The following NUFIP2 variants were observed in gnomAD, a reference collection of about 807,000 sequenced individuals.
The protein encoded by NUFIP2 is nuclear FMR1 interacting protein 2.
NUFIP2 carries 6 observed loss-of-function variants against 56.9 expected under a neutral mutation model. That is an observed-to-expected ratio of 0.11 (90% confidence interval 0.06 to 0.21). The LOEUF (loss-of-function observed/expected upper bound fraction) is 0.21, where lower values mean the gene tolerates loss of function less well. Ranked by LOEUF, NUFIP2 falls within the 10% of genes least tolerant of loss-of-function variation. NUFIP2 has a pLI of 1.00. For synonymous variants in NUFIP2, 321 were observed against 298.2 expected (o/e 1.08, Z -0.79); for missense variants, 828 against 826.8 (o/e 1.00, Z -0.02).
intron 2 of NUFIP2, among the ~76,000 whole-genome samples, chr17:29,269,926 T>TA (rs1391830275): frequency 5.3e-5 from 8 of 152,158 alleles, no homozygotes; most frequent in African/African-American, 1.9e-4. Flanking sequence ...TTCACCGTGT[T>TA]AGCCAGGGTG....
intron 2 of NUFIP2, among the ~76,000 whole-genome samples, chr17:29,282,339 G>T (rs2069145356): frequency 6.6e-6 from 1 of 151,572 alleles, no homozygotes; most frequent in African/African-American, 2.4e-5. Flanking sequence ...GGTGGCTCAT[G>T]AGGTCAGGAG....
rs774809854 is a variant in NUFIP2 at position 29,294,026 on chromosome 17, G to A, written c.34C>T (p.His12Tyr). The change falls in exon 1 of 4, where the codon CAC becomes TAC. Residue 12 changes from histidine (H) to tyrosine (Y), a missense_variant. This residue lies in a region of NUFIP2 where 415 missense variants were observed against 408.7 expected (regional missense o/e 1.02). Coordinates refer to ENST00000225388, the MANE Select transcript of NUFIP2 (RefSeq NM_020772.3). ...TGCGGATGGTGGTGGCTGTGATGGT[G>A]CTGAGGCTGTGGCTGGCCGGGCTTC... ...EEKPGQPQPQ[H>Y]HHSHHHPHHH... 1.2e-6 allele frequency: 2 copies of A among 1,610,030 alleles called. No homozygotes were observed. The highest frequency in any genetic ancestry group is 1.7e-6 in the Non-Finnish European group (2 of 1,177,266).
intron 2 of NUFIP2, among the ~76,000 whole-genome samples, chr17:29,280,967 A>G (rs1287590782): frequency 8.0e-6 from 1 of 124,224 alleles, no homozygotes; most frequent in Non-Finnish European, 1.7e-5. Flanking sequence ...CCTGGGTGAC[A>G]GAGTGAGGCT....
At chr17:29,276,973 T>C (rs1230807931) in intron 2 of NUFIP2, among the ~76,000 whole-genome samples, 1 of 152,216 alleles carries the variant, frequency 6.6e-6, no homozygotes, top group Admixed American at 6.5e-5. Context: ...TAAAGCTAAC[T>C]AGAAGCTTAT....
chr17:29,278,815 A>G (rs1161465710), intron 2 of NUFIP2, among the ~76,000 whole-genome samples: 1 of 152,148 alleles, frequency 6.6e-6, no homozygotes, highest in African/African-American at 2.4e-5. Flanking sequence ...CAAGGTGAAT[A>G]TATTATTACT....
At position 29,294,132 on chromosome 17, in the gene NUFIP2, G is replaced by A. The variant is rs1298641357; in HGVS notation, c.-73C>T. On this transcript the variant is annotated 5_prime_UTR_variant, in exon 1 of 4. Coordinates refer to ENST00000225388, the MANE Select transcript of NUFIP2 (RefSeq NM_020772.3). ...TCAGGATCTGAGACTGCTTCTCAGG[G>A]CTCACTCAGTATATCTGAGCGCGTC... 17 of 1,521,334 alleles carry A rather than the reference G, an allele frequency of 1.1e-5. No individual in the cohort carries two copies. The highest frequency in any genetic ancestry group is 2.8e-5 in the African/African-American group (2 of 72,680). The allele number at this position is 1,521,334 out of a possible 1,614,324, so 94.2% of individuals were successfully genotyped here.
In NUFIP2 at chr17:29,294,043, C is replaced by A. The variant is rs757099674; in HGVS notation, c.17G>T (p.Gly6Val). The change falls in exon 1 of 4, where the codon GGC (glycine) becomes GTC (valine). Residue 6 changes from glycine (G) to valine (V), a missense_variant. By Grantham distance (109) the Gly-to-Val change is moderately radical (BLOSUM62 -3). This residue lies in a region of NUFIP2 where 415 missense variants were observed against 408.7 expected (regional missense o/e 1.02). Coordinates refer to ENST00000225388, the MANE Select transcript of NUFIP2 (RefSeq NM_020772.3). Reference protein sequence around the residue: MEEKPGQPQPQHHHSH... With the variant: MEEKPVQPQPQHHHSH... ...GTGATGGTGCTGAGGCTGTGGCTGGCCGGGCTTCTCCTCCATTGAAAGCGG... is the reference window on the plus strand; with the variant it reads ...GTGATGGTGCTGAGGCTGTGGCTGGACGGGCTTCTCCTCCATTGAAAGCGG... The A allele has an allele frequency of 6.2e-7, 1 of 1,600,598 alleles. No homozygotes were observed. Among genetic ancestry groups the A allele is most frequent in the Non-Finnish European group, 8.5e-7 (1 of 1,171,430 alleles).
In NUFIP2 at chr17:29,256,775, C is replaced by A. The variant is rs1466287959; in HGVS notation, c.*7764G>T. 6.6e-6 allele frequency: 1 copy of A among 152,122 alleles called. No individual in the cohort carries two copies. The highest frequency in any genetic ancestry group is 1.5e-5 in the Non-Finnish European group (1 of 68,012). The allele number at this position is 152,122 out of a possible 1,614,324, so 9.4% of individuals were successfully genotyped here. A position where few individuals can be genotyped will look rare whatever the true frequency, so the allele number is the denominator to read the frequency against. ...AAAGCTATTTAGTACATACAGATTG[C>A]AGCACTTGAACCAAATGTACCCAAC... On this transcript the variant is annotated 3_prime_UTR_variant, in exon 4 of 4. Transcript: ENST00000225388.
In NUFIP2 at chr17:29,286,318, G is replaced by A. The variant is rs1314158927; in HGVS notation, c.1676C>T (p.Pro559Leu). The change falls in exon 2 of 4, where the codon CCT becomes CTT. Residue 559 changes from proline (P) to leucine (L), a missense_variant. Physicochemically the swap from Pro to Leu is moderately conservative, Grantham distance 98. Transcript: ENST00000225388. ...CAGCTCGTAAGCCTTGGGAAACACA[G>A]GATGCTCAGTTCCTGAGGGAATTAT... ...AEIIPSGTEH[P>L]VFPKAYELEK... The A allele has an allele frequency of 3.7e-6, 6 of 1,614,000 alleles. No homozygotes were observed. The highest frequency in any genetic ancestry group is 2.2e-5 in the East Asian group (1 of 44,898).
At chr17:29,280,105 A>G (rs2069131484) in intron 2 of NUFIP2, among the ~76,000 whole-genome samples, 1 of 152,184 alleles carries the variant, frequency 6.6e-6, no homozygotes, top group Admixed American at 6.6e-5. Context: ...AGTGTGAGCC[A>G]TGTCCGGCCC....
At position 29,287,435 on chromosome 17, in the gene NUFIP2, G is replaced by C. The variant is rs1433712512; in HGVS notation, c.559C>G (p.Pro187Ala). ...GAATTATTTGTTACCACACCATTTG[G>C]AATTGGTATAGTATCAGACTTATCT... Reference protein sequence around the residue: ...SVDKSDTIPIPNGVVTNNSGY... With the variant: ...SVDKSDTIPIANGVVTNNSGY... The change falls in exon 2 of 4, where the codon CCA (proline) becomes GCA (alanine). Residue 187 changes from proline (P) to alanine (A), a missense_variant. Coordinates refer to ENST00000225388, the MANE Select transcript of NUFIP2 (RefSeq NM_020772.3). 6.2e-6 allele frequency: 10 copies of C among 1,613,820 alleles called. No homozygotes were observed. Among genetic ancestry groups the C allele is most frequent in the Non-Finnish European group, 8.5e-6 (10 of 1,179,806 alleles).
At chr17:29,281,070 G>A (rs1019930616) in intron 2 of NUFIP2, among the ~76,000 whole-genome samples, 21 of 152,054 alleles carry the variant, frequency 1.4e-4, no homozygotes, top group African/African-American at 5.1e-4. Context: ...TGAGGCAGGA[G>A]GATCCCTTGA....
rs1037330366 is a variant in NUFIP2 at position 29,263,776 on chromosome 17, G to C, written c.*763C>G. The C allele has an allele frequency of 6.6e-6, 1 of 152,518 alleles. No individual in the cohort carries two copies. Among genetic ancestry groups the C allele is most frequent in the African/African-American group, 2.4e-5 (1 of 41,404 alleles). 9.4% of individuals were successfully genotyped at this position (152,518 alleles called of 1,614,324 possible). A position where few individuals can be genotyped will look rare whatever the true frequency, so the allele number is the denominator to read the frequency against. On this transcript the variant is annotated 3_prime_UTR_variant, in exon 4 of 4. Coordinates refer to ENST00000225388, the MANE Select transcript of NUFIP2 (RefSeq NM_020772.3). ...TTAAATGACACGCATAGATTCTTCA[G>C]TTGTTAAAGTCCAATATGTAACCGA...
rs1469769818 is a variant in NUFIP2, at chr17:29,257,251, T to TG, written c.*7287dup. On this transcript the variant is annotated 3_prime_UTR_variant, in exon 4 of 4. Transcript: ENST00000225388. Reference sequence around the variant, plus strand: ...GAGCTAGCCCAGAACTATGTAACTTTGAGCCAAGTTTCCAAAGATGGTAAA... The same window carrying TG: ...GAGCTAGCCCAGAACTATGTAACTTTGGAGCCAAGTTTCCAAAGATGGTAAA... The TG allele has an allele frequency of 2.6e-5, 4 of 152,206 alleles. No individual in the cohort carries two copies. The highest frequency in any genetic ancestry group is 4.4e-5 in the Non-Finnish European group (3 of 68,028). The allele number at this position is 152,206 out of a possible 1,614,324, so 9.4% of individuals were successfully genotyped here.
intron 2 of NUFIP2, among the ~76,000 whole-genome samples, chr17:29,285,096 T>G: frequency 6.7e-6 from 1 of 149,690 alleles, no homozygotes; most frequent in Non-Finnish European, 1.5e-5. Context: ...AGGTCAGAAG[T>G]TTGAGATCAG....
In NUFIP2 at chr17:29,286,069, C is replaced by T; in HGVS notation, c.1925G>A (p.Arg642Lys). The T allele has an allele frequency of 6.2e-7, 1 of 1,614,052 alleles. No individual in the cohort carries two copies. The highest frequency in any genetic ancestry group is 2.2e-5 in the East Asian group (1 of 44,884). Reference protein sequence around the residue: ...NTLLGSAKEQRYQRGLERNDS... With the variant: ...NTLLGSAKEQKYQRGLERNDS... ...ATTCCTTTCTAGGCCTCTCTGGTAT[C>T]TCTGTTCTTTGGCAGAGCCTAACAA... The change falls in exon 2 of 4, where the codon AGA (arginine) becomes AAA (lysine). Residue 642 changes from arginine (R) to lysine (K), a missense_variant. Around this residue, in one of 3 missense-constraint regions of NUFIP2, gnomAD observed 404 missense variants for 380.3 expected, o/e 1.06. Transcript: ENST00000225388.
At chr17:29,279,855 C>T (rs2069129890) in intron 2 of NUFIP2, among the ~76,000 whole-genome samples, 1 of 152,100 alleles carries the variant, frequency 6.6e-6, no homozygotes, top group African/African-American at 2.4e-5. Flanking sequence ...TGCTGTGTCT[C>T]CTAGGCTGGA....
Position 29,287,072 on chromosome 17 carries a change from G to C in NUFIP2, c.922C>G (p.Pro308Ala), listed in dbSNP as rs1443651676. ...TCAAACTTTTTGCTGCTCACACCAGGTTTACTATCTGAGCTTTTCCGAAGC... is the reference window on the plus strand; with the variant it reads ...TCAAACTTTTTGCTGCTCACACCAGCTTTACTATCTGAGCTTTTCCGAAGC... ...DMLRKSSDSKPGVSSKKFDDR... is the reference protein window; with the variant it reads ...DMLRKSSDSKAGVSSKKFDDR... The change falls in exon 2 of 4, where the codon CCT (proline) becomes GCT (alanine). Residue 308 changes from proline to alanine, a missense_variant. By Grantham distance (27) the Pro-to-Ala change is conservative. Transcript: ENST00000225388. The C allele has an allele frequency of 3.1e-6, 5 of 1,614,132 alleles. No individual in the cohort carries two copies. In the South Asian group the frequency reaches 4.4e-5, roughly 14 times the overall value.
rs1461279222 is a variant in NUFIP2 at position 29,284,439 on chromosome 17, C to T, written c.2002+1553G>A. 7.2e-5 allele frequency among the ~76,000 whole-genome samples: 11 copies of T among 152,292 alleles called. No individual in the cohort carries two copies. In the East Asian group the frequency reaches 2.1e-3, roughly 29 times the overall value. On this transcript the variant is annotated intron_variant, in intron 2 of 3. Coordinates refer to ENST00000225388, the MANE Select transcript of NUFIP2 (RefSeq NM_020772.3). ...ATTAACATGAGGCCTGGCACGGTGG[C>T]TCACACCTGTAATCCCAGCACTTTG...
Sources: allele counts gnomAD v4.1 joint callset (sites outside exome capture counted in the v4.1 genomes callset), GRCh38; gene constraint gnomAD v4.1.1; regional missense constraint gnomAD v4.1.1; transcripts MANE v1.5; gene names NCBI Gene and HGNC (gene_info 2026-07-23, HGNC 2026-07-21).